ZNRF3: variants seen among roughly 807,000 people sequenced by gnomAD.
ZNRF3 encodes E3 ubiquitin-protein ligase ZNRF3.
In ZNRF3, 23 loss-of-function variants were observed where a neutral mutation model predicts 72.5. The ratio of observed to expected loss-of-function variants is 0.32; its 90% CI spans 0.23 to 0.45. ZNRF3 has a LOEUF of 0.45. Ranked by LOEUF, ZNRF3 falls within the 20% of genes least tolerant of loss-of-function variation. ZNRF3 has a pLI of 1.00. For missense variants in ZNRF3, 1,169 were observed against 1,272.1 expected, an observed-to-expected ratio of 0.92 and a Z score of 1.23; for synonymous variants, 610 against 545.3, an observed-to-expected ratio of 1.12 and a Z score of -1.65.
chr22:29,050,123 C>T lies in ZNRF3; in HGVS notation c.1942C>T (p.Pro648Ser). 1 of 1,606,584 alleles carries T rather than the reference C, an allele frequency of 6.2e-7. No individual in the cohort carries two copies. The highest frequency in any genetic ancestry group is 8.5e-7 in the Non-Finnish European group (1 of 1,179,752). ...SHGAGRGEPW[P>S]GPASPSGDQV... Reference sequence around the variant, plus strand: ...TGGTGCTGGGCGGGGCGAGCCTTGGCCGGGCCCTGCCTCTCCCTCGGGGGA... The same window carrying T: ...TGGTGCTGGGCGGGGCGAGCCTTGGTCGGGCCCTGCCTCTCCCTCGGGGGA... The change falls in exon 8 of 9, where the codon CCG becomes TCG. Residue 648 changes from proline to serine, a missense_variant. By Grantham distance (74) the Pro-to-Ser change is moderately conservative. Coordinates refer to ENST00000544604, the MANE Select transcript of ZNRF3 (RefSeq NM_001206998.2).
At chr22:28,914,437 G>A (rs935782380) in intron 1 of ZNRF3, among the ~76,000 whole-genome samples, 4 of 150,732 alleles carry the variant, frequency 2.7e-5, no homozygotes, top group Non-Finnish European at 4.4e-5. Flanking sequence ...AAACTGAGAT[G>A]AGGAGTTTAA....
intron 1 of ZNRF3, among the ~76,000 whole-genome samples, chr22:28,926,852 T>C (rs1296401931): frequency 6.7e-6 from 1 of 149,792 alleles, no homozygotes; most frequent in African/African-American, 2.5e-5. Flanking sequence ...CTGGGCGCGG[T>C]AGCTCACACC....
At chr22:29,008,872 C>CT (rs1569279666) in intron 2 of ZNRF3, among the ~76,000 whole-genome samples, 1 of 152,170 alleles carries the variant, frequency 6.6e-6, no homozygotes. Context: ...GCCAATTACT[C>CT]TTTTTTGTTA....
chr22:29,035,869 T>C (rs1333188457), intron 2 of ZNRF3, among the ~76,000 whole-genome samples: 1 of 152,168 alleles, frequency 6.6e-6, no homozygotes, highest in African/African-American at 2.4e-5. Flanking sequence ...TGTGAGCCAC[T>C]GCGCCCGGCC....
At chr22:28,885,956 C>G (rs183760845) in intron 1 of ZNRF3, among the ~76,000 whole-genome samples, 1 of 151,174 alleles carries the variant, frequency 6.6e-6, no homozygotes, top group African/African-American at 2.4e-5. Context: ...TCAATAGTTG[C>G]TAAGTAAAGT....
intron 1 of ZNRF3, among the ~76,000 whole-genome samples, chr22:28,984,159 A>G (rs1399125715): frequency 1.3e-5 from 2 of 151,828 alleles, no homozygotes; most frequent in African/African-American, 2.4e-5. Context: ...TGTGAAATTC[A>G]TATAAAATTC....
Position 28,945,554 on chromosome 22 carries a change from G to A in ZNRF3, c.301-41522G>A, listed in dbSNP as rs542020105. Among the ~76,000 whole-genome samples, 7 of 150,700 alleles carry A rather than the reference G, an allele frequency of 4.6e-5. No individual in the cohort carries two copies. The East Asian group carries it at 9.7e-4, about 21-fold the overall frequency. ...TTTTTTTTTTTTTCTTTTTTAAGAC[G>A]GAGTCTTGCTCTGTGGCCAGGCTGG... On this transcript the variant is annotated intron_variant, in intron 1 of 8. Transcript: ENST00000544604.
chr22:29,001,115 C>T (rs543365602), intron 2 of ZNRF3, among the ~76,000 whole-genome samples: 3 of 118,344 alleles, frequency 2.5e-5, no homozygotes, highest in African/African-American at 9.7e-5. Context: ...GTTGCCCAGG[C>T]TGGAGTGCAG....
chr22:28,963,885 C>T (rs377446469), intron 1 of ZNRF3, among the ~76,000 whole-genome samples: 27 of 152,204 alleles, frequency 1.8e-4, no homozygotes, highest in African/African-American at 6.0e-4. Flanking sequence ...TCATCAGCAA[C>T]AGGGCACCTT....
intron 2 of ZNRF3, among the ~76,000 whole-genome samples, chr22:29,016,428 TCTA>T (rs3037486): frequency 0.43 from 66,024 of 151,844 alleles, 14,903 homozygotes; most frequent in Non-Finnish European, 0.49. Context: ...CTTCCTTTGT[TCTA>T]CTAAGTAAAG....
chr22:28,921,607 C>T (rs2034514888), intron 1 of ZNRF3, among the ~76,000 whole-genome samples: 1 of 152,160 alleles, frequency 6.6e-6, no homozygotes, highest in Admixed American at 6.5e-5. Flanking sequence ...ACTCATTTGA[C>T]ACTTAATATT....
chr22:28,902,442 G>A (rs746289400), intron 1 of ZNRF3, among the ~76,000 whole-genome samples: 6 of 151,962 alleles, frequency 3.9e-5, no homozygotes, highest in African/African-American at 1.5e-4. Flanking sequence ...GAGTGCAGTG[G>A]TGTGATCTTG....
At chr22:29,016,029 A>G (rs955965685) in intron 2 of ZNRF3, among the ~76,000 whole-genome samples, 2 of 142,526 alleles carry the variant, frequency 1.4e-5, no homozygotes, top group African/African-American at 5.6e-5. Flanking sequence ...AAAAAAAAAA[A>G]CAAAAAAACT....
chr22:28,892,438 G>T (rs1274982851), intron 1 of ZNRF3, among the ~76,000 whole-genome samples: 4 of 152,188 alleles, frequency 2.6e-5, no homozygotes, highest in African/African-American at 9.7e-5. Flanking sequence ...TGAGCATTCT[G>T]GCCTTTTCCA....
At chr22:28,948,342 T>G (rs556846595) in intron 1 of ZNRF3, among the ~76,000 whole-genome samples, 1 of 151,694 alleles carries the variant, frequency 6.6e-6, no homozygotes, top group African/African-American at 2.4e-5. Context: ...TTAAAAAAAA[T>G]TTTTGTAGAG....
chr22:28,963,065 G>T (rs1477335361), intron 1 of ZNRF3, among the ~76,000 whole-genome samples: 1 of 152,248 alleles, frequency 6.6e-6, no homozygotes, highest in Non-Finnish European at 1.5e-5. Flanking sequence ...AAGGGCTCTG[G>T]CCAGGGGCCC....
intron 2 of ZNRF3, among the ~76,000 whole-genome samples, chr22:29,006,789 A>G (rs777315823): frequency 4.6e-5 from 7 of 152,218 alleles, no homozygotes; most frequent in Non-Finnish European, 1.0e-4. Context: ...GCAGACTTGA[A>G]GCTTCCATCA....
At chr22:28,952,082 T>C (rs1040211709) in intron 1 of ZNRF3, among the ~76,000 whole-genome samples, 2 of 152,258 alleles carry the variant, frequency 1.3e-5, no homozygotes, top group Non-Finnish European at 2.9e-5. Context: ...GGTTCCCAGC[T>C]GACCGCTGGT....
intron 2 of ZNRF3, among the ~76,000 whole-genome samples, chr22:29,000,844 A>G (rs1228094129): frequency 6.6e-6 from 1 of 152,096 alleles, no homozygotes; most frequent in Non-Finnish European, 1.5e-5. Flanking sequence ...GCTGGGGTGC[A>G]GTGATGCAAC....
Sources: gnomAD v4.1 joint callset for allele counts (sites outside exome capture counted in the v4.1 genomes callset) on GRCh38, gnomAD v4.1.1 for gene constraint, MANE v1.5 for transcripts, NCBI Gene and HGNC (gene_info 2026-07-23, HGNC 2026-07-21) for gene names.